ADAMTS9: variants seen among roughly 807,000 people sequenced by gnomAD.
ADAMTS9 encodes A disintegrin and metalloproteinase with thrombospondin motifs 9.
ADAMTS9 carries 107 observed loss-of-function variants against 257.1 expected under a neutral mutation model. The ratio of observed to expected loss-of-function variants is 0.42; its 90% CI spans 0.36 to 0.49. The LOEUF (loss-of-function observed/expected upper bound fraction) is 0.49, where lower values mean the gene tolerates loss of function less well. ADAMTS9 is among the 20% of genes least tolerant of loss of function. The probability of loss-of-function intolerance (pLI) is 0.03; values close to 1 mark genes in which losing one functional copy is unlikely to be tolerated. For missense variants in ADAMTS9, 2,353 were observed against 2,469.1 expected, an observed-to-expected ratio of 0.95 and a Z score of 1.00; for synonymous variants, 982 against 880.9, an observed-to-expected ratio of 1.11 and a Z score of -2.03.
intron 9 of ADAMTS9, 181 bp downstream of exon 9, chr3:64,650,836 C>G: frequency 1.7e-6 from 1 of 580,762 alleles, no homozygotes; most frequent in Non-Finnish European, 2.8e-6. Context: ...TAAACTCTGT[C>G]AAGGATATGA....
intron 3 of ADAMTS9, among the ~76,000 whole-genome samples, chr3:64,668,265 G>C (rs1478229662): frequency 6.6e-6 from 1 of 152,162 alleles, no homozygotes; most frequent in African/African-American, 2.4e-5. Flanking sequence ...AAAAGGAACA[G>C]ATGAAATTAA....
At chr3:64,581,507 C>T (rs1175021982) in intron 28 of ADAMTS9, among the ~76,000 whole-genome samples, 1 of 152,154 alleles carries the variant, frequency 6.6e-6, no homozygotes, top group Non-Finnish European at 1.5e-5. Context: ...AAGCAAACCA[C>T]CTGCCTTGGG....
At chr3:64,610,953 G>GT (rs1013191333) in intron 22 of ADAMTS9, among the ~76,000 whole-genome samples, 1 of 151,680 alleles carries the variant, frequency 6.6e-6, no homozygotes, top group Admixed American at 6.6e-5. Context: ...GCACGCACCT[G>GT]TAATCCCAGC....
At chr3:64,576,716 T>C (rs1176002226) in intron 28 of ADAMTS9, among the ~76,000 whole-genome samples, 1 of 152,152 alleles carries the variant, frequency 6.6e-6, no homozygotes, top group African/African-American at 2.4e-5. Flanking sequence ...GATGGGGCAT[T>C]AGGCCATCCT....
At position 64,658,391 on chromosome 3, in the gene ADAMTS9, GA is replaced by G; in HGVS notation, c.969+110del. On this transcript the variant is annotated intron_variant, in intron 4 of 39. Coordinates refer to ENST00000498707, the MANE Select transcript of ADAMTS9 (RefSeq NM_182920.2). The stretch of plus-strand genomic sequence containing the variant: ...TTATGTTCTCTTCAGTCACTTGCCT[GA>G]ATGGCTGAAATGCCAGTTCTGAATG... 3 of 1,158,550 alleles carry G rather than the reference GA, an allele frequency of 2.6e-6. No individual in the cohort carries two copies. The East Asian group carries it at 7.4e-5, about 28-fold the overall frequency. 71.8% of individuals were successfully genotyped at this position (1,158,550 alleles called of 1,614,324 possible).
At chr3:64,578,009 ATAACATT>A (rs1265069864) in intron 28 of ADAMTS9, among the ~76,000 whole-genome samples, 1 of 152,204 alleles carries the variant, frequency 6.6e-6, no homozygotes, top group African/African-American at 2.4e-5. Flanking sequence ...TGAAAATTTT[ATAACATT>A]TTCGGGAAGC....
intron 2 of ADAMTS9, among the ~76,000 whole-genome samples, chr3:64,683,462 C>G (rs1179194632): frequency 6.6e-6 from 1 of 152,204 alleles, no homozygotes; most frequent in Non-Finnish European, 1.5e-5. Context: ...GAAATCCCAG[C>G]GCTGCCACTT....
chr3:64,631,749 T>G (rs1700372455), intron 15 of ADAMTS9, 59 bp downstream of exon 15: 11 of 1,469,710 alleles, frequency 7.5e-6, no homozygotes, highest in Non-Finnish European at 1.0e-5. Context: ...TACATGTGGT[T>G]AACAATTTTC....
rs35990034 is a variant in ADAMTS9, at chr3:64,546,902, G to C, written c.4920C>G (p.Ser1640Arg). Reference sequence around the variant, plus strand: ...AATTCTCCTTCCCGGTGTAAATCTCGCTGCACGAGACAAGCCTTTGTTTGT... The same window carrying C: ...AATTCTCCTTCCCGGTGTAAATCTCCCTGCACGAGACAAGCCTTTGTTTGT... ...KGYKQRLVSC[S>R]EIYTGKENYE... Residue 1640 changes from serine to arginine, a missense_variant, in exon 32 of 40, where the codon AGC (serine) becomes AGG (arginine). Around this residue, in one of 3 missense-constraint regions of ADAMTS9, gnomAD observed 1,402 missense variants for 1,441.4 expected, o/e 0.97. Transcript: ENST00000498707. 1 of 1,613,754 alleles carries C rather than the reference G, an allele frequency of 6.2e-7. No homozygotes were observed. Among genetic ancestry groups the C allele is most frequent in the Admixed American group, 1.7e-5 (1 of 59,994 alleles).
intron 29 of ADAMTS9, 39 bp downstream of exon 29, chr3:64,568,329 A>G: frequency 4.4e-6 from 7 of 1,574,036 alleles, no homozygotes; most frequent in Non-Finnish European, 5.2e-6. Flanking sequence ...ACGTGGCCAA[A>G]CGTAAGGAAG....
rs370770799 is a variant in ADAMTS9, at chr3:64,622,217, T to C, written c.2667A>G (p.Ala889=). 16 of 1,613,714 alleles carry C rather than the reference T, an allele frequency of 9.9e-6. No individual in the cohort carries two copies. Among genetic ancestry groups the C allele is most frequent in the Non-Finnish European group, 1.4e-5 (16 of 1,179,814 alleles). Residue 889 remains alanine, a synonymous_variant, in exon 18 of 40, where the codon GCA becomes GCG. Transcript: ENST00000498707. The stretch of plus-strand genomic sequence containing the variant: ...AGATACCTTGGCAGGGTTTACTGCA[T>C]GCTTGCCATGGCCCATGACTGTTCC... ...FYWNSHGPWQ[A]CSKPCQGERK...
chr3:64,654,301 T>C, intron 8 of ADAMTS9, 52 bp downstream of exon 8: 1 of 1,536,528 alleles, frequency 6.5e-7, no homozygotes, highest in South Asian at 1.2e-5. Context: ...TGCGAAGGAA[T>C]AAAAGGTTTA....
chr3:64,672,739 T>C (rs1401393188), intron 3 of ADAMTS9, among the ~76,000 whole-genome samples: 1 of 152,196 alleles, frequency 6.6e-6, no homozygotes, highest in Non-Finnish European at 1.5e-5. Context: ...CAATGAGTTC[T>C]AATCTCAGGT....
In ADAMTS9 at chr3:64,551,030, G is replaced by A. The variant is rs1334932886; in HGVS notation, c.4731C>T (p.Tyr1577=). The A allele has an allele frequency of 6.2e-7, 1 of 1,614,140 alleles. No homozygotes were observed. Among genetic ancestry groups the A allele is most frequent in the Admixed American group, 1.7e-5 (1 of 60,030 alleles). The change falls in exon 31 of 40, where the codon TAC becomes TAT. Residue 1577 remains tyrosine (Y), a synonymous_variant. Transcript: ENST00000498707. The part of the protein sequence containing the change: ...CTKTCGEGSR[Y]RKVVCVDDNK... ...TGTCATCCACACACACCACCTTGCG[G>A]TACCTGGAGCCTTCGCCGCAGGTCT...
chr3:64,548,872 G>A lies in ADAMTS9; in HGVS notation c.4870-1920C>T, dbSNP rs78790587. ...TTTCTAAATTGAAAATAACAGCAAA[G>A]CAAAACAATAAGACTGTGGGCTCCC... On this transcript the variant is annotated intron_variant, in intron 31 of 39. Transcript: ENST00000498707. Among the ~76,000 whole-genome samples, 289 of 152,354 alleles carry A rather than the reference G, an allele frequency of 1.9e-3. 1 individual carries two copies. Among genetic ancestry groups the A allele is most frequent in the African/African-American group, 6.6e-3 (273 of 41,590 alleles).
Position 64,633,514 on chromosome 3 carries a change from A to G in ADAMTS9, c.2133T>C (p.Cys711=). The G allele has an allele frequency of 6.2e-7, 1 of 1,614,168 alleles. No individual in the cohort carries two copies. Among genetic ancestry groups the G allele is most frequent in the Non-Finnish European group, 8.5e-7 (1 of 1,180,020 alleles). Residue 711 remains cysteine, a synonymous_variant, in exon 14 of 40, where the codon TGT becomes TGC. Coordinates refer to ENST00000498707, the MANE Select transcript of ADAMTS9 (RefSeq NM_182920.2). ...CACAGATATCATTTGTGTCCTGGCC[A>G]CAAGGAGTTCCATCTATCACTCTGT... ...LRDRVIDGTP[C]GQDTNDICVQ...
intron 31 of ADAMTS9, chr3:64,550,333 A>G (rs1240815008): frequency 6.6e-6 from 1 of 152,274 alleles, no homozygotes; most frequent in African/African-American, 2.4e-5. Flanking sequence ...TGCCCCTTAC[A>G]ATGTTTTAAA....
intron 30 of ADAMTS9, among the ~76,000 whole-genome samples, chr3:64,561,064 C>CCTT (rs10632397): frequency 0.47 from 61,418 of 129,928 alleles, 13,335 homozygotes; most frequent in South Asian, 0.55. Flanking sequence ...CAGATACCAT[C>CCTT]CTTTTTTTTT....
At chr3:64,670,250 CT>C (rs1463141790) in intron 3 of ADAMTS9, among the ~76,000 whole-genome samples, 1 of 152,212 alleles carries the variant, frequency 6.6e-6, no homozygotes, top group Non-Finnish European at 1.5e-5. Flanking sequence ...AGAGGCTCCC[CT>C]GGACCTGTTT....
Sources: gnomAD v4.1 joint callset for allele counts (sites outside exome capture counted in the v4.1 genomes callset) on GRCh38, gnomAD v4.1.1 for gene constraint, gnomAD v4.1.1 regional missense constraint, MANE v1.5 for transcripts, NCBI Gene and HGNC (gene_info 2026-07-23, HGNC 2026-07-21) for gene names.